The following SIPA1L1 variants were observed in gnomAD, a reference collection of about 807,000 sequenced individuals.
The protein encoded by SIPA1L1 is signal-induced proliferation-associated 1-like protein 1.
A neutral mutation model predicts 162.7 loss-of-function variants in SIPA1L1; 26 were observed. The ratio of observed to expected loss-of-function variants is 0.16; its 90% CI spans 0.12 to 0.22. The LOEUF is 0.22. Among genes scored for constraint, SIPA1L1 ranks in the 10% least tolerant of loss-of-function variants. The pLI, the probability that SIPA1L1 is intolerant of heterozygous loss-of-function variation, is 1.00. For missense variants in SIPA1L1, 1,874 were observed against 2,241.0 expected (o/e 0.84, Z 3.31); for synonymous variants, 829 against 837.4 (o/e 0.99, Z 0.17).
intron 4 of SIPA1L1, among the ~76,000 whole-genome samples, chr14:71,537,721 G>A (rs2054033428): frequency 6.6e-6 from 1 of 150,756 alleles, no homozygotes; most frequent in African/African-American, 2.4e-5. Flanking sequence ...TCCCTTGACA[G>A]AGAAGTTTTA....
chr14:71,633,334 C>T (rs893028804), intron 7 of SIPA1L1, among the ~76,000 whole-genome samples: 1 of 151,904 alleles, frequency 6.6e-6, no homozygotes, highest in Non-Finnish European at 1.5e-5. Context: ...TAGAGACGCC[C>T]AGCTAATTTT....
chr14:71,511,257 A>G (rs954788722), intron 2 of SIPA1L1, among the ~76,000 whole-genome samples: 3 of 152,010 alleles, frequency 2.0e-5, no homozygotes, highest in African/African-American at 7.3e-5. Flanking sequence ...CTTGACTGAT[A>G]GGGTATGACA....
intron 2 of SIPA1L1, among the ~76,000 whole-genome samples, chr14:71,381,001 C>T (rs1188201244): frequency 6.6e-6 from 1 of 152,094 alleles, no homozygotes; most frequent in African/African-American, 2.4e-5. Flanking sequence ...GACTATTACC[C>T]CCATAGTGCA....
At chr14:71,519,403 C>T (rs1367355761) in intron 3 of SIPA1L1, among the ~76,000 whole-genome samples, 1 of 152,148 alleles carries the variant, frequency 6.6e-6, no homozygotes, top group African/African-American at 2.4e-5. Context: ...ATTGACAGTG[C>T]CTGAAAGTAT....
At chr14:71,719,593 A>T (rs2083536881) in intron 17 of SIPA1L1, among the ~76,000 whole-genome samples, 2 of 152,164 alleles carry the variant, frequency 1.3e-5, no homozygotes, top group Admixed American at 1.3e-4. Context: ...TCCCAGGTTC[A>T]AACAGTTCTC....
At chr14:71,412,651 C>T (rs147059574) in intron 2 of SIPA1L1, among the ~76,000 whole-genome samples, 1 of 152,010 alleles carries the variant, frequency 6.6e-6, no homozygotes, top group Non-Finnish European at 1.5e-5. Flanking sequence ...AGGAACTTCC[C>T]CTTTTGTCTT....
In SIPA1L1 at chr14:71,529,428, G is replaced by A. The variant is rs768126050; in HGVS notation, c.-303+58G>A. 5.3e-6 allele frequency: 3 copies of A among 571,152 alleles called. No individual in the cohort carries two copies. The East Asian group carries it at 8.6e-5, about 16-fold the overall frequency. 35.4% of individuals were successfully genotyped at this position (571,152 alleles called of 1,614,324 possible). ...CTGCTTTACAAAGTGTTGATTTTCT[G>A]TGTTTAAATTTCTGATTAGAGAAAT... On this transcript the variant is annotated intron_variant, in intron 4 of 23. Coordinates refer to ENST00000381232, the MANE Select transcript of SIPA1L1 (RefSeq NM_001386936.1).
intron 4 of SIPA1L1, among the ~76,000 whole-genome samples, chr14:71,564,971 GT>G (rs1418456304): frequency 6.6e-6 from 1 of 152,138 alleles, no homozygotes; most frequent in African/African-American, 2.4e-5. Context: ...CATGCCTGCT[GT>G]TTCTGTCCCT....
At chr14:71,691,414 A>G (rs2081245859) in intron 13 of SIPA1L1, among the ~76,000 whole-genome samples, 1 of 152,114 alleles carries the variant, frequency 6.6e-6, no homozygotes, top group Non-Finnish European at 1.5e-5. Context: ...CAACATAGTG[A>G]GACCCCGTAT....
intron 2 of SIPA1L1, among the ~76,000 whole-genome samples, chr14:71,506,901 C>T (rs892996968): frequency 1.3e-5 from 2 of 150,582 alleles, no homozygotes; most frequent in East Asian, 2.0e-4. Context: ...TGGGCTCAAG[C>T]GTTCCACCCA....
chr14:71,390,709 C>T (rs949991988), intron 2 of SIPA1L1, among the ~76,000 whole-genome samples: 10 of 152,030 alleles, frequency 6.6e-5, no homozygotes, highest in African/African-American at 2.2e-4. Flanking sequence ...CACTGGAGCC[C>T]GGGAGATGGA....
At position 71,723,664 on chromosome 14, in the gene SIPA1L1, A is replaced by C. The variant is rs772212904; in HGVS notation, c.4226A>C (p.His1409Pro). The C allele has an allele frequency of 1.9e-6, 3 of 1,613,830 alleles. No homozygotes were observed. Among genetic ancestry groups the C allele is most frequent in the Non-Finnish European group, 1.7e-6 (2 of 1,179,996 alleles). Residue 1409 changes from histidine to proline, a missense_variant, in exon 18 of 24, where the codon CAC (histidine) becomes CCC (proline). Physicochemically the swap from His to Pro is moderately conservative, Grantham distance 77. Transcript: ENST00000381232. ...CTCCTCAGTACCATGAGCTCCCGAC[A>C]CTCTGCCAGCCCAGTGGTTTTCACC... ...ASHTSTMSSR[H>P]SASPVVFTSA...
intron 2 of SIPA1L1, among the ~76,000 whole-genome samples, chr14:71,408,002 A>G (rs1420595609): frequency 1.3e-5 from 2 of 152,210 alleles, no homozygotes; most frequent in Non-Finnish European, 2.9e-5. Context: ...AGATGAACTA[A>G]GGTTACAAAA....
Position 71,735,398 on chromosome 14 carries a change from C to G in SIPA1L1, c.5123+7C>G, listed in dbSNP as rs764947832. 2 of 1,595,086 alleles carry G rather than the reference C, an allele frequency of 1.3e-6. No homozygotes were observed. Among genetic ancestry groups the G allele is most frequent in the Non-Finnish European group, 1.7e-6 (2 of 1,162,800 alleles). On this transcript the variant is annotated splice_region_variant and intron_variant, in intron 22 of 23. Transcript: ENST00000381232. The stretch of plus-strand genomic sequence containing the variant: ...AGATGAAGCCTTACAGCAGGTTGGT[C>G]CCAGTGCAAGGGCAGTACTCTGCAC...
chr14:71,642,266 C>T (rs1456996258), intron 7 of SIPA1L1, among the ~76,000 whole-genome samples: 1 of 152,118 alleles, frequency 6.6e-6, no homozygotes, highest in Admixed American at 6.5e-5. Flanking sequence ...GGCTACAGTA[C>T]AGGCAGGGGG....
intron 7 of SIPA1L1, among the ~76,000 whole-genome samples, chr14:71,624,907 T>G (rs2039818069): frequency 6.6e-6 from 1 of 152,220 alleles, no homozygotes; most frequent in South Asian, 2.1e-4. Flanking sequence ...TTTCACATTC[T>G]GCTTAGAGTA....
At position 71,739,892 on chromosome 14, in the gene SIPA1L1, A is replaced by G. The variant is rs2152888707; in HGVS notation, c.*731A>G. ...GGAAGATGGTCCCACTTGTGCTGCAAGACTCTTTTTTGTTTGGCTTAATTG... is the reference window on the plus strand; with the variant it reads ...GGAAGATGGTCCCACTTGTGCTGCAGGACTCTTTTTTGTTTGGCTTAATTG... On this transcript the variant is annotated 3_prime_UTR_variant, in exon 24 of 24. Coordinates refer to ENST00000381232, the MANE Select transcript of SIPA1L1 (RefSeq NM_001386936.1). 2 of 152,308 alleles carry G rather than the reference A, an allele frequency of 1.3e-5. No individual in the cohort carries two copies. Among genetic ancestry groups the G allele is most frequent in the Admixed American group, 1.3e-4 (2 of 15,302 alleles). The allele number at this position is 152,308 out of a possible 1,614,324, so 9.4% of individuals were successfully genotyped here.
intron 2 of SIPA1L1, among the ~76,000 whole-genome samples, chr14:71,428,102 C>G (rs751026159): frequency 1.7e-4 from 26 of 151,930 alleles, no homozygotes; most frequent in Non-Finnish European, 3.5e-4. Context: ...AAGCGATTCT[C>G]CTGCCTCAGC....
intron 17 of SIPA1L1, among the ~76,000 whole-genome samples, chr14:71,717,377 A>G (rs1028793455): frequency 2.0e-5 from 3 of 152,156 alleles, no homozygotes; most frequent in Admixed American, 1.3e-4. Context: ...AACTTGAGTA[A>G]ATTTCTAGTG....
Sources: gnomAD v4.1 joint callset for allele counts (sites outside exome capture counted in the v4.1 genomes callset) on GRCh38, gnomAD v4.1.1 for gene constraint, MANE v1.5 for transcripts, NCBI Gene and HGNC (gene_info 2026-07-23, HGNC 2026-07-21) for gene names.